ADAM32: variants seen among roughly 807,000 people sequenced by gnomAD.
ADAM32 encodes ADAM metallopeptidase domain 32.
In ADAM32, 89 loss-of-function variants were observed where a neutral mutation model predicts 114.9. The ratio of observed to expected loss-of-function variants is 0.77; its 90% confidence interval spans 0.65 to 0.92. The LOEUF is 0.92. ADAM32 is among the 40% of genes least tolerant of loss of function. The probability of loss-of-function intolerance (pLI) is 0.00; values close to 1 mark genes in which losing one functional copy is unlikely to be tolerated. For missense variants in ADAM32, 870 were observed against 932.8 expected (o/e 0.93, Z 0.88); for synonymous variants, 285 against 307.5 (o/e 0.93, Z 0.77).
chr8:39,136,952 T>C (rs1169690401), intron 3 of ADAM32, among the ~76,000 whole-genome samples: 1 of 152,184 alleles, frequency 6.6e-6, no homozygotes, highest in Non-Finnish European at 1.5e-5. Context: ...GACTGATTTA[T>C]GATATTAAGT....
chr8:39,284,574 A>G (rs1813660999), intron 24 of ADAM32, among the ~76,000 whole-genome samples: 1 of 152,158 alleles, frequency 6.6e-6, no homozygotes, highest in South Asian at 2.1e-4. Context: ...AGTACTTCTG[A>G]TTAAATATGA....
chr8:39,281,901 T>G (rs1221884864), intron 23 of ADAM32, among the ~76,000 whole-genome samples: 1 of 152,204 alleles, frequency 6.6e-6, no homozygotes, highest in Non-Finnish European at 1.5e-5. Flanking sequence ...ACACACAGAT[T>G]AAATTTTCTA....
At chr8:39,116,481 T>C (rs1213879123) in intron 1 of ADAM32, among the ~76,000 whole-genome samples, 1 of 152,220 alleles carries the variant, frequency 6.6e-6, no homozygotes, top group African/African-American at 2.4e-5. Flanking sequence ...CCTAGGTATT[T>C]TGTTCTTTTT....
chr8:39,153,487 A>G (rs375978516), intron 6 of ADAM32, among the ~76,000 whole-genome samples: 5 of 152,244 alleles, frequency 3.3e-5, no homozygotes, highest in South Asian at 2.1e-4. Context: ...CCTTCAGCCA[A>G]CTGAAACTGC....
intron 1 of ADAM32, among the ~76,000 whole-genome samples, chr8:39,114,990 GTTAAT>G (rs903979564): frequency 2.0e-5 from 3 of 152,212 alleles, no homozygotes; most frequent in African/African-American, 7.2e-5. Context: ...CTGTTCCTGT[GTTAAT>G]TTGTTTAGGA....
At chr8:39,192,292 C>G (rs1322776387) in intron 11 of ADAM32, among the ~76,000 whole-genome samples, 2 of 151,916 alleles carry the variant, frequency 1.3e-5, no homozygotes, top group Non-Finnish European at 2.9e-5. Flanking sequence ...CTTTTTTTAT[C>G]TTTGTCGGTT....
At chr8:39,283,335 C>A (rs542080070) in intron 23 of ADAM32, among the ~76,000 whole-genome samples, 2 of 149,406 alleles carry the variant, frequency 1.3e-5, no homozygotes. Flanking sequence ...TTTGAGCCCC[C>A]AGGAGGTTGA....
chr8:39,183,871 C>T (rs10103402), intron 10 of ADAM32, among the ~76,000 whole-genome samples: 150,800 of 152,354 alleles, frequency 0.99, 74,645 homozygotes, highest in Middle Eastern at 1. Flanking sequence ...GTAGAAGACA[C>T]TCTTTAAGCG....
intron 10 of ADAM32, among the ~76,000 whole-genome samples, chr8:39,179,067 T>C (rs759564644): frequency 4.6e-5 from 7 of 152,086 alleles, no homozygotes; most frequent in Non-Finnish European, 8.8e-5. Flanking sequence ...TGTGCTGTGT[T>C]TGGGGGAGCC....
chr8:39,237,982 T>G (rs1810294489), intron 16 of ADAM32, among the ~76,000 whole-genome samples: 1 of 152,206 alleles, frequency 6.6e-6, no homozygotes, highest in Admixed American at 6.5e-5. Flanking sequence ...CTCAAGCCAT[T>G]ACAGCAGTTC....
chr8:39,251,790 C>T (rs532498305), intron 17 of ADAM32, among the ~76,000 whole-genome samples: 3 of 151,902 alleles, frequency 2.0e-5, no homozygotes, highest in South Asian at 4.1e-4. Context: ...AAAATAATTA[C>T]ATAATCAGTG....
chr8:39,258,096 G>A (rs1013874759), intron 19 of ADAM32, among the ~76,000 whole-genome samples: 6 of 151,172 alleles, frequency 4.0e-5, no homozygotes, highest in Non-Finnish European at 7.4e-5. Context: ...CTCTGCAGAT[G>A]CATTTCTTTT....
At chr8:39,271,429 C>A (rs1326794995) in intron 20 of ADAM32, among the ~76,000 whole-genome samples, 4 of 145,170 alleles carry the variant, frequency 2.8e-5, no homozygotes, top group African/African-American at 7.8e-5. Flanking sequence ...ATGCAGAATT[C>A]TCATGAGACA....
intron 16 of ADAM32, among the ~76,000 whole-genome samples, chr8:39,240,675 C>A (rs184991070): frequency 6.6e-6 from 1 of 152,248 alleles, no homozygotes; most frequent in Admixed American, 6.5e-5. Flanking sequence ...GAGAAGAGAG[C>A]TTGTGCAGGG....
chr8:39,164,694 G>T, intron 7 of ADAM32, 70 bp from the exon 8 acceptor site: 4 of 1,214,368 alleles, frequency 3.3e-6, no homozygotes, highest in Non-Finnish European at 3.5e-6. Flanking sequence ...TCTGACAGTA[G>T]ATGGAAAAGA....
At chr8:39,190,050 C>T (rs1476708165) in intron 11 of ADAM32, among the ~76,000 whole-genome samples, 1 of 152,166 alleles carries the variant, frequency 6.6e-6, no homozygotes, top group Non-Finnish European at 1.5e-5. Flanking sequence ...GATCTCCTGA[C>T]CTCGTGATCC....
intron 11 of ADAM32, among the ~76,000 whole-genome samples, chr8:39,202,938 G>C (rs1585528962): frequency 7.7e-5 from 1 of 12,964 alleles, no homozygotes; most frequent in Non-Finnish European, 1.7e-4. Flanking sequence ...GTAGTTGGGT[G>C]GTTTTGAGTG....
At chr8:39,140,109 G>A (rs986728584) in intron 3 of ADAM32, among the ~76,000 whole-genome samples, 9 of 152,112 alleles carry the variant, frequency 5.9e-5, no homozygotes, top group East Asian at 3.9e-4. Flanking sequence ...ATATAATCAC[G>A]TCATCTGCAA....
chr8:39,188,927 A>G lies in ADAM32; in HGVS notation c.1052+1882A>G, dbSNP rs143281541. ...TCACACATTATGTTAGTTCTCAAAG[A>G]AAGCATGTAATTAGTTACATATTTC... On this transcript the variant is annotated intron_variant, in intron 11 of 24. Transcript: ENST00000379907. Among the ~76,000 whole-genome samples, 74 of 152,292 alleles carry G rather than the reference A, an allele frequency of 4.9e-4. 1 individual carries two copies. The highest frequency in any genetic ancestry group is 2.5e-3 in the South Asian group (12 of 4,830).
Sources: gnomAD v4.1 joint callset for allele counts (sites outside exome capture counted in the v4.1 genomes callset) on GRCh38, gnomAD v4.1.1 for gene constraint, MANE v1.5 for transcripts, NCBI Gene and HGNC (gene_info 2026-07-23, HGNC 2026-07-21) for gene names.